The following FYN variants were observed in gnomAD, a reference collection of about 807,000 sequenced individuals.
The protein encoded by FYN is tyrosine-protein kinase Fyn.
Under a neutral mutation model 70.2 loss-of-function variants are expected in FYN, and 10 were observed. That is an observed-to-expected ratio of 0.14 (90% CI 0.09 to 0.24). The LOEUF (loss-of-function observed/expected upper bound fraction) is 0.24, where lower values mean the gene tolerates loss of function less well. Among genes scored for constraint, FYN ranks in the 10% least tolerant of loss-of-function variants. The pLI, the probability that FYN is intolerant of heterozygous loss-of-function variation, is 1.00. For missense variants in FYN, 319 were observed against 673.1 expected, an observed-to-expected ratio of 0.47 and a Z score of 5.82; for synonymous variants, 236 against 248.6, an observed-to-expected ratio of 0.95 and a Z score of 0.48.
chr6:111,662,075 C>A (rs931514723), intron 13 of FYN, 128 bp from the exon 14 acceptor site: 2 of 704,346 alleles, frequency 2.8e-6, no homozygotes, highest in East Asian at 2.7e-5. Context: ...TCCCATCCCC[C>A]CAGGAGTCAA....
intron 3 of FYN, among the ~76,000 whole-genome samples, chr6:111,737,543 T>C (rs1360075691): frequency 6.6e-6 from 1 of 152,214 alleles, no homozygotes; most frequent in Non-Finnish European, 1.5e-5. Context: ...GGAAAGGGCG[T>C]GGAGCGTCCA....
intron 3 of FYN, chr6:111,759,074 C>T (rs1301264564): frequency 2.0e-5 from 3 of 152,704 alleles, no homozygotes; most frequent in Non-Finnish European, 4.4e-5. Flanking sequence ...GCTCCTCAGA[C>T]CTGCGCTGGT....
intron 3 of FYN, among the ~76,000 whole-genome samples, chr6:111,757,725 A>G (rs1169536191): frequency 6.6e-6 from 1 of 152,214 alleles, no homozygotes; most frequent in Non-Finnish European, 1.5e-5. Context: ...ATTTACATGA[A>G]GATAATAGGG....
intron 3 of FYN, among the ~76,000 whole-genome samples, chr6:111,740,570 A>G (rs564502635): frequency 3.3e-4 from 50 of 152,306 alleles, no homozygotes; most frequent in African/African-American, 1.2e-3. Flanking sequence ...AGTTACTCCC[A>G]GGCTTAAAAT....
At chr6:111,728,954 AACAT>A (rs2128469233) in intron 3 of FYN, among the ~76,000 whole-genome samples, 1 of 152,340 alleles carries the variant, frequency 6.6e-6, no homozygotes, top group Non-Finnish European at 1.5e-5. Context: ...CAATTTGTGA[AACAT>A]ATGGGAGAAT....
chr6:111,784,035 T>C (rs1386083580), intron 2 of FYN, among the ~76,000 whole-genome samples: 1 of 152,166 alleles, frequency 6.6e-6, no homozygotes, highest in Non-Finnish European at 1.5e-5. Flanking sequence ...TTTAAGCCAA[T>C]GAGATGTGAA....
chr6:111,833,194 G>A (rs1773074728), intron 2 of FYN, among the ~76,000 whole-genome samples: 1 of 152,074 alleles, frequency 6.6e-6, no homozygotes, highest in Non-Finnish European at 1.5e-5. Context: ...ATTTTTCTCA[G>A]GTCAAGTGAA....
At chr6:111,729,099 T>C (rs1801328933) in intron 3 of FYN, among the ~76,000 whole-genome samples, 1 of 152,182 alleles carries the variant, frequency 6.6e-6, no homozygotes, top group African/African-American at 2.4e-5. Context: ...AATATGACTC[T>C]CTTACATTGC....
chr6:111,861,322 A>T (rs72944233), intron 1 of FYN, among the ~76,000 whole-genome samples: 2 of 152,320 alleles, frequency 1.3e-5, no homozygotes, highest in African/African-American at 2.4e-5. Flanking sequence ...GGTAGACATG[A>T]GCAGAATGAA....
intron 2 of FYN, among the ~76,000 whole-genome samples, chr6:111,830,987 T>C (rs955237491): frequency 2.0e-5 from 3 of 152,100 alleles, no homozygotes; most frequent in African/African-American, 7.2e-5. Flanking sequence ...GGGGGGCTAT[T>C]TGTGTAATCC....
chr6:111,782,237 T>C (rs11964753), intron 2 of FYN, among the ~76,000 whole-genome samples: 2,276 of 152,324 alleles, frequency 0.015, 55 homozygotes, highest in African/African-American at 0.05. Flanking sequence ...AAAGTCAGCC[T>C]TTTAAGTTGT....
intron 3 of FYN, among the ~76,000 whole-genome samples, chr6:111,733,845 T>C (rs1474439486): frequency 6.6e-6 from 1 of 152,158 alleles, no homozygotes; most frequent in Non-Finnish European, 1.5e-5. Context: ...CCCAGCACTT[T>C]GGGAGGCTGA....
At chr6:111,762,465 T>A (rs72942155) in intron 3 of FYN, among the ~76,000 whole-genome samples, 3,471 of 152,062 alleles carry the variant, frequency 0.023, 72 homozygotes, top group African/African-American at 0.05. Flanking sequence ...TATACCCTCC[T>A]CCCTTTGGAG....
In FYN at chr6:111,766,041, T is replaced by C. The variant is rs566588166; in HGVS notation, c.-12+14525A>G. Among the ~76,000 whole-genome samples the C allele has an allele frequency of 2.0e-5, 3 of 152,252 alleles. No individual in the cohort carries two copies. The East Asian group carries it at 5.8e-4, about 29-fold the overall frequency. ...GAATAACAGGAGCCTTGAGAAGTTC[T>C]GAAACAAGAGAATGACAAGATTGAT... On this transcript the variant is annotated intron_variant, in intron 3 of 13. Coordinates refer to ENST00000354650, the MANE Select transcript of FYN (RefSeq NM_002037.5).
chr6:111,824,951 T>A (rs1259934706), intron 2 of FYN, among the ~76,000 whole-genome samples: 8 of 152,258 alleles, frequency 5.3e-5, no homozygotes, highest in African/African-American at 1.9e-4. Flanking sequence ...AAGTTTTCAT[T>A]ACTTCTGAAA....
rs1167649327 is a variant in FYN at position 111,694,319 on chromosome 6, A to G, written c.1273+56T>C. ...GGGAAGGAGGAAGGAAGGGCTGTGC[A>G]GTAAGTGACTGTTCTCACAGCTGTG... On this transcript the variant is annotated intron_variant, in intron 12 of 13. Coordinates refer to ENST00000354650, the MANE Select transcript of FYN (RefSeq NM_002037.5). This position sits in a 1 kb window ranked among gnomAD's most constrained non-coding sequence, Gnocchi z 5.0. 1.9e-6 allele frequency: 3 copies of G among 1,588,208 alleles called. No individual in the cohort carries two copies. The highest frequency in any genetic ancestry group is 2.2e-5 in the East Asian group (1 of 44,654).
chr6:111,720,322 G>C (rs984804527), intron 3 of FYN, among the ~76,000 whole-genome samples: 5 of 152,090 alleles, frequency 3.3e-5, no homozygotes, highest in South Asian at 2.1e-4. Flanking sequence ...AACTTTCCTC[G>C]AATAAGGCCT....
intron 2 of FYN, among the ~76,000 whole-genome samples, chr6:111,816,845 T>C (rs540652423): frequency 2.6e-4 from 39 of 152,350 alleles, no homozygotes; most frequent in African/African-American, 9.1e-4. Context: ...CAGTATTGGA[T>C]GTTCAATGCA....
chr6:111,799,718 A>AGGCAG (rs1479122976), intron 2 of FYN, among the ~76,000 whole-genome samples: 1 of 152,212 alleles, frequency 6.6e-6, no homozygotes, highest in Non-Finnish European at 1.5e-5. Context: ...AGAGCCACTG[A>AGGCAG]GGCAGGGCAG....
Sources: allele counts gnomAD v4.1 joint callset (sites outside exome capture counted in the v4.1 genomes callset), GRCh38; gene constraint gnomAD v4.1.1; non-coding constraint Gnocchi (gnomAD v3.1); transcripts MANE v1.5; gene names NCBI Gene and HGNC (gene_info 2026-07-23, HGNC 2026-07-21).